The following KCNH1 variants were observed in gnomAD, a reference collection of about 807,000 sequenced individuals.
KCNH1 encodes potassium voltage-gated channel subfamily H member 1.
A neutral mutation model predicts 69.2 loss-of-function variants in KCNH1; 27 were observed. The observed-to-expected ratio is 0.39, with a 90% CI of 0.29 to 0.54. The LOEUF is 0.54. KCNH1 is among the 20% of genes least tolerant of loss of function. KCNH1 has a pLI of 0.68. For missense variants in KCNH1, 798 were observed against 1,261.6 expected (o/e 0.63, Z 5.57); for synonymous variants, 456 against 487.7 (o/e 0.93, Z 0.86).
At chr1:211,017,343 G>T (rs893443109) in intron 6 of KCNH1, among the ~76,000 whole-genome samples, 4 of 152,186 alleles carry the variant, frequency 2.6e-5, no homozygotes, top group African/African-American at 9.7e-5. Flanking sequence ...TATCCCGGCA[G>T]GGAGCAAGCT....
chr1:210,786,071 A>G (rs1413104732), intron 9 of KCNH1, among the ~76,000 whole-genome samples: 5 of 152,056 alleles, frequency 3.3e-5, no homozygotes, highest in African/African-American at 1.2e-4. Context: ...AATCTATGCA[A>G]TTTATTAAGC....
chr1:210,750,601 A>G (rs981866157), intron 10 of KCNH1, among the ~76,000 whole-genome samples: 3 of 152,168 alleles, frequency 2.0e-5, no homozygotes, highest in Non-Finnish European at 2.9e-5. Flanking sequence ...TCTTCTAATT[A>G]TACTGTCAAA....
intron 10 of KCNH1, among the ~76,000 whole-genome samples, chr1:210,691,952 A>G (rs961882473): frequency 6.6e-6 from 1 of 152,252 alleles, no homozygotes; most frequent in African/African-American, 2.4e-5. Flanking sequence ...CTCTGGGTCC[A>G]GCACTAGTTA....
intron 6 of KCNH1, among the ~76,000 whole-genome samples, chr1:210,939,301 A>G (rs986340816): frequency 9.9e-5 from 15 of 152,200 alleles, no homozygotes; most frequent in African/African-American, 3.6e-4. Context: ...TTATATGGCA[A>G]TAAGATGAAA....
At chr1:210,920,621 T>C (rs1395323320) in intron 6 of KCNH1, among the ~76,000 whole-genome samples, 1 of 151,950 alleles carries the variant, frequency 6.6e-6, no homozygotes, top group Non-Finnish European at 1.5e-5. Flanking sequence ...GTAAATATTT[T>C]TGTTATATTT....
chr1:210,813,872 T>C (rs1472292604), intron 7 of KCNH1, among the ~76,000 whole-genome samples: 5 of 152,178 alleles, frequency 3.3e-5, no homozygotes, highest in Non-Finnish European at 5.9e-5. Context: ...GTTCTTGTGA[T>C]AGTGAATAAG....
chr1:211,115,784 T>C (rs565098702), intron 1 of KCNH1, among the ~76,000 whole-genome samples: 1 of 149,966 alleles, frequency 6.7e-6, no homozygotes, highest in African/African-American at 2.4e-5. Flanking sequence ...TAGAGAACCC[T>C]GACTAATACA....
intron 7 of KCNH1, among the ~76,000 whole-genome samples, chr1:210,826,691 T>C (rs570955431): frequency 2.6e-5 from 4 of 152,370 alleles, no homozygotes; most frequent in African/African-American, 9.6e-5. Context: ...CTTCTCTCCA[T>C]GAAATTATCT....
Position 210,679,014 on chromosome 1 carries a change from G to C in KCNH1, c.*4267C>G, listed in dbSNP as rs959423818. On this transcript the variant is annotated 3_prime_UTR_variant, in exon 11 of 11. Coordinates refer to ENST00000271751, the MANE Select transcript of KCNH1 (RefSeq NM_172362.3). The stretch of plus-strand genomic sequence containing the variant: ...ATGAAGTTTCACTTGAATTTAAGCT[G>C]CAGATAAATTCACATTGATTCTTTT... 1 of 152,200 alleles carries C rather than the reference G, an allele frequency of 6.6e-6. No individual in the cohort carries two copies. Among genetic ancestry groups the C allele is most frequent in the Non-Finnish European group, 1.5e-5 (1 of 68,046 alleles). The allele number at this position is 152,200 out of a possible 1,614,324, so 9.4% of individuals were successfully genotyped here. A position where few individuals can be genotyped will look rare whatever the true frequency, so the allele number is the denominator to read the frequency against.
intron 6 of KCNH1, among the ~76,000 whole-genome samples, chr1:210,970,038 A>G (rs527336968): frequency 2.6e-5 from 4 of 152,066 alleles, no homozygotes; most frequent in Admixed American, 6.6e-5. Flanking sequence ...CTGGGACTAT[A>G]GGCACATGCC....
At chr1:210,879,300 A>G (rs1022504710) in intron 7 of KCNH1, among the ~76,000 whole-genome samples, 1 of 152,034 alleles carries the variant, frequency 6.6e-6, no homozygotes, top group Admixed American at 6.6e-5. Flanking sequence ...AAACCTAACA[A>G]AGACATTACA....
chr1:210,798,021 G>A (rs1684353324), intron 8 of KCNH1, among the ~76,000 whole-genome samples: 2 of 148,968 alleles, frequency 1.3e-5, no homozygotes, highest in Non-Finnish European at 3.0e-5. Flanking sequence ...GGTCAGAGAA[G>A]GCTTCTCTGG....
intron 7 of KCNH1, among the ~76,000 whole-genome samples, chr1:210,825,056 G>C (rs1685006881): frequency 6.6e-6 from 1 of 152,138 alleles, no homozygotes; most frequent in South Asian, 2.1e-4. Context: ...TTGCTTGAAA[G>C]CCTTAATTTT....
At chr1:210,718,274 GCA>G (rs1430951251) in intron 10 of KCNH1, among the ~76,000 whole-genome samples, 2 of 92,720 alleles carry the variant, frequency 2.2e-5, no homozygotes, top group Admixed American at 1.2e-4. Context: ...AAATATATGT[GCA>G]TATAAAAATA....
chr1:210,856,801 T>A (rs922667349), intron 7 of KCNH1, among the ~76,000 whole-genome samples: 5 of 105,414 alleles, frequency 4.7e-5, no homozygotes, highest in African/African-American at 1.9e-4. Context: ...ATATTTATAT[T>A]TATATATATA....
chr1:210,880,719 C>T (rs79589801), intron 7 of KCNH1, among the ~76,000 whole-genome samples: 1,748 of 152,118 alleles, frequency 0.011, 14 homozygotes, highest in Non-Finnish European at 0.018. Flanking sequence ...AAAGAAATAA[C>T]GGATAAGGTG....
rs1050373545 is a variant in KCNH1, at chr1:210,807,057, C to A, written c.1463-2891G>T. ...GTTGCCAAGATGGTACAGAAAAATT[C>A]TGTGTACCCTTCACCCAGTTTCCCC... is the stretch of plus-strand genomic sequence containing the variant. On this transcript the variant is annotated intron_variant, in intron 7 of 10. Transcript: ENST00000271751. Among the ~76,000 whole-genome samples, 14 of 149,092 alleles carry A rather than the reference C, an allele frequency of 9.4e-5. No individual in the cohort carries two copies. In the South Asian group the frequency reaches 2.5e-3, roughly 27 times the overall value.
intron 8 of KCNH1, among the ~76,000 whole-genome samples, chr1:210,802,233 T>C (rs978369054): frequency 6.6e-6 from 1 of 152,226 alleles, no homozygotes; most frequent in African/African-American, 2.4e-5. Flanking sequence ...ACCAAAGTAA[T>C]GTTCAAGTTG....
intron 10 of KCNH1, among the ~76,000 whole-genome samples, chr1:210,697,266 C>T (rs1208938477): frequency 2.6e-5 from 4 of 152,198 alleles, no homozygotes; most frequent in Non-Finnish European, 4.4e-5. Context: ...AGAGGGTCTT[C>T]CTGCTGGGCC....
Sources: allele counts gnomAD v4.1 joint callset (sites outside exome capture counted in the v4.1 genomes callset), GRCh38; gene constraint gnomAD v4.1.1; transcripts MANE v1.5; gene names NCBI Gene and HGNC (gene_info 2026-07-23, HGNC 2026-07-21).